Variants in PLXDC2 observed in about 807,000 individuals in gnomAD.
PLXDC2 encodes the protein plexin domain-containing protein 2.
Under a neutral mutation model 68.9 loss-of-function variants are expected in PLXDC2, and 40 were observed. That is an observed-to-expected ratio of 0.58 (90% CI 0.45 to 0.76). The LOEUF is 0.76. Among genes scored for constraint, PLXDC2 ranks in the 30% least tolerant of loss-of-function variants. The pLI is 0.00. For synonymous variants in PLXDC2, 243 were observed against 234.2 expected, an observed-to-expected ratio of 1.04 and a Z score of -0.34; for missense variants, 644 against 661.9, an observed-to-expected ratio of 0.97 and a Z score of 0.30.
chr10:20,050,686 T>A (rs1160366240), intron 3 of PLXDC2, among the ~76,000 whole-genome samples: 1 of 151,172 alleles, frequency 6.6e-6, no homozygotes, highest in Non-Finnish European at 1.5e-5. Context: ...ATGGCTATTA[T>A]TAAAAAGTAA....
chr10:20,194,781 C>T (rs1834815417), intron 9 of PLXDC2, among the ~76,000 whole-genome samples: 1 of 108,728 alleles, frequency 9.2e-6, no homozygotes, highest in Admixed American at 1.2e-4. Flanking sequence ...TGCTATCCCT[C>T]CCCCCTCCCC....
intron 4 of PLXDC2, among the ~76,000 whole-genome samples, chr10:20,139,880 G>A (rs1457242235): frequency 6.6e-6 from 1 of 152,128 alleles, no homozygotes; most frequent in South Asian, 2.1e-4. Flanking sequence ...GGGAGGGATA[G>A]CATTAGGAGA....
intron 1 of PLXDC2, among the ~76,000 whole-genome samples, chr10:19,840,862 G>C (rs939282654): frequency 1.3e-5 from 2 of 152,068 alleles, no homozygotes; most frequent in Admixed American, 6.6e-5. Context: ...TTACTGATTA[G>C]ATATATACTA....
At chr10:20,223,635 C>T (rs1835248009) in intron 12 of PLXDC2, among the ~76,000 whole-genome samples, 1 of 152,096 alleles carries the variant, frequency 6.6e-6, no homozygotes, top group African/African-American at 2.4e-5. Context: ...AATCAACCTT[C>T]CCATGGGAAA....
rs139756006 is a variant in PLXDC2, at chr10:20,289,184, A to T, written c.*9365A>T. 2 of 152,268 alleles carry T rather than the reference A, an allele frequency of 1.3e-5. No individual in the cohort carries two copies. The highest frequency in any genetic ancestry group is 4.8e-5 in the African/African-American group (2 of 41,544). The allele number at this position is 152,268 out of a possible 1,614,324, so 9.4% of individuals were successfully genotyped here. On this transcript the variant is annotated 3_prime_UTR_variant, in exon 14 of 14. Coordinates refer to ENST00000377252, the MANE Select transcript of PLXDC2 (RefSeq NM_032812.9). The stretch of plus-strand genomic sequence containing the variant: ...AAGGCTGATGGCAAGATAGAAAGTT[A>T]TTTTGCTTCTAAACCCACCCCGATG...
intron 2 of PLXDC2, among the ~76,000 whole-genome samples, chr10:20,031,959 T>A (rs10827934): frequency 0.83 from 126,310 of 151,768 alleles, 52,870 homozygotes; most frequent in African/African-American, 0.9. Flanking sequence ...AGCTGGGATT[T>A]CAGGTGTGTG....
intron 4 of PLXDC2, among the ~76,000 whole-genome samples, chr10:20,128,463 G>C (rs969579910): frequency 1.2e-4 from 19 of 152,208 alleles, no homozygotes; most frequent in African/African-American, 3.4e-4. Flanking sequence ...ACCGCTATAA[G>C]CTTGATTAAT....
intron 4 of PLXDC2, among the ~76,000 whole-genome samples, chr10:20,099,351 G>C (rs1340613032): frequency 6.6e-6 from 1 of 152,106 alleles, no homozygotes; most frequent in African/African-American, 2.4e-5. Flanking sequence ...TTTAAGGTCT[G>C]ATTGTGTTAT....
At chr10:19,990,950 T>G (rs980195036) in intron 1 of PLXDC2, among the ~76,000 whole-genome samples, 2 of 152,092 alleles carry the variant, frequency 1.3e-5, no homozygotes, top group African/African-American at 4.8e-5. Context: ...GAAATAGTAT[T>G]GAAAGTATGA....
intron 4 of PLXDC2, among the ~76,000 whole-genome samples, chr10:20,070,335 C>T (rs571489122): frequency 6.6e-6 from 1 of 152,096 alleles, no homozygotes; most frequent in Non-Finnish European, 1.5e-5. Flanking sequence ...TATTGAAGCC[C>T]TTGGTGATTT....
At chr10:19,901,967 T>C (rs1199710577) in intron 1 of PLXDC2, among the ~76,000 whole-genome samples, 1 of 152,158 alleles carries the variant, frequency 6.6e-6, no homozygotes, top group Non-Finnish European at 1.5e-5. Flanking sequence ...TTTGCTTTGT[T>C]GAAGTCAGTT....
intron 6 of PLXDC2, among the ~76,000 whole-genome samples, chr10:20,153,673 G>A (rs991980992): frequency 2.0e-5 from 3 of 152,036 alleles, no homozygotes; most frequent in Non-Finnish European, 4.4e-5. Flanking sequence ...AATAAATTAT[G>A]TATACTTCTC....
At chr10:19,989,288 A>G (rs941116366) in intron 1 of PLXDC2, among the ~76,000 whole-genome samples, 4 of 152,210 alleles carry the variant, frequency 2.6e-5, no homozygotes, top group African/African-American at 9.6e-5. Context: ...GTGAGTGTGT[A>G]AACTGATACA....
intron 6 of PLXDC2, among the ~76,000 whole-genome samples, chr10:20,164,125 T>A (rs780035516): frequency 2.0e-5 from 3 of 152,166 alleles, no homozygotes; most frequent in Non-Finnish European, 2.9e-5. Flanking sequence ...AAAATCTGTT[T>A]CCAAAATTAT....
chr10:20,009,429 A>T (rs1028137565), intron 2 of PLXDC2, among the ~76,000 whole-genome samples: 2 of 152,090 alleles, frequency 1.3e-5, no homozygotes, highest in African/African-American at 4.8e-5. Context: ...GATGTTTAAC[A>T]TGTGGCTGCA....
At chr10:20,128,866 T>A (rs1833828029) in intron 4 of PLXDC2, among the ~76,000 whole-genome samples, 1 of 152,214 alleles carries the variant, frequency 6.6e-6, no homozygotes, top group African/African-American at 2.4e-5. Context: ...TACCACATTT[T>A]CTTAATTTAT....
chr10:20,115,522 A>G (rs926916778), intron 4 of PLXDC2, among the ~76,000 whole-genome samples: 1 of 152,188 alleles, frequency 6.6e-6, no homozygotes, highest in African/African-American at 2.4e-5. Flanking sequence ...TTAGTACATA[A>G]AAACCCATTA....
At chr10:20,244,392 A>G (rs1331096231) in intron 12 of PLXDC2, among the ~76,000 whole-genome samples, 1 of 152,204 alleles carries the variant, frequency 6.6e-6, no homozygotes, top group Non-Finnish European at 1.5e-5. Context: ...AATGTGTATT[A>G]CAGTGGAAAG....
chr10:20,179,810 A>G lies in PLXDC2; in HGVS notation c.1061+2401A>G, dbSNP rs79579590. On this transcript the variant is annotated intron_variant, in intron 9 of 13. Coordinates refer to ENST00000377252, the MANE Select transcript of PLXDC2 (RefSeq NM_032812.9). ...GGAATTTTCAAATATCAAACTTAAC[A>G]TTTTCACAGTGAAGGAAACTGAAAT... is the stretch of plus-strand genomic sequence containing the variant. Among the ~76,000 whole-genome samples, 1,378 of 152,144 alleles carry G rather than the reference A, an allele frequency of 9.1e-3. 23 individuals carry two copies. The highest frequency in any genetic ancestry group is 0.032 in the African/African-American group (1,313 of 41,512).
Sources: gnomAD v4.1 joint callset for allele counts (sites outside exome capture counted in the v4.1 genomes callset) on GRCh38, gnomAD v4.1.1 for gene constraint, MANE v1.5 for transcripts, NCBI Gene and HGNC (gene_info 2026-07-23, HGNC 2026-07-21) for gene names.